Variants in ROCK1 observed in about 807,000 individuals in gnomAD.
ROCK1 encodes rho-associated protein kinase 1.
A neutral mutation model predicts 196.8 loss-of-function variants in ROCK1; 36 were observed. The ratio of observed to expected loss-of-function variants is 0.18; its 90% CI spans 0.14 to 0.24. The LOEUF is 0.24. ROCK1 is among the 10% of genes least tolerant of loss of function. The probability of loss-of-function intolerance (pLI) is 1.00; values close to 1 mark genes in which losing one functional copy is unlikely to be tolerated. For missense variants in ROCK1, 920 were observed against 1,562.0 expected (o/e 0.59, Z 6.93); for synonymous variants, 443 against 515.9 (o/e 0.86, Z 1.91).
chr18:21,033,052 C>G (rs2036023567), intron 9 of ROCK1, among the ~76,000 whole-genome samples: 1 of 151,910 alleles, frequency 6.6e-6, no homozygotes, highest in South Asian at 2.1e-4. Context: ...AGAAAATTAG[C>G]CAGGTGTGGT....
chr18:21,048,572 C>CAGGG (rs1218371009), intron 4 of ROCK1, among the ~76,000 whole-genome samples: 1 of 151,798 alleles, frequency 6.6e-6, no homozygotes, highest in Non-Finnish European at 1.5e-5. Context: ...ATTTTTGAGA[C>CAGGG]AGGGTCTCAC....
intron 5 of ROCK1, 73 bp downstream of exon 5, chr18:21,045,219 G>A: frequency 1.5e-6 from 2 of 1,327,344 alleles, no homozygotes; most frequent in Admixed American, 2.3e-5. Flanking sequence ...TGAACTGAGA[G>A]TAAGAAATGT....
chr18:20,964,384 CCTTAA>C (rs2035354023), intron 27 of ROCK1, among the ~76,000 whole-genome samples: 1 of 151,852 alleles, frequency 6.6e-6, no homozygotes, highest in African/African-American at 2.4e-5. Flanking sequence ...GAATGCAAAA[CCTTAA>C]CTTTATTTGC....
intron 26 of ROCK1, 44 bp downstream of exon 26, chr18:20,967,708 A>C: frequency 2.2e-6 from 3 of 1,367,720 alleles, no homozygotes; most frequent in Non-Finnish European, 3.0e-6. Context: ...AATTTAAGAA[A>C]ATAATCCTTC....
intron 16 of ROCK1, among the ~76,000 whole-genome samples, chr18:21,004,460 T>C (rs2035752312): frequency 6.6e-6 from 1 of 152,232 alleles, no homozygotes; most frequent in African/African-American, 2.4e-5. Flanking sequence ...TTAGTGTATG[T>C]GAGCTTTTAT....
chr18:21,046,265 A>G (rs1276231992), intron 4 of ROCK1, among the ~76,000 whole-genome samples: 1 of 152,170 alleles, frequency 6.6e-6, no homozygotes, highest in Non-Finnish European at 1.5e-5. Context: ...ACCCGAGTCT[A>G]TGAGACTATA....
intron 9 of ROCK1, among the ~76,000 whole-genome samples, chr18:21,030,635 A>C (rs1177966260): frequency 2.6e-5 from 4 of 152,210 alleles, no homozygotes; most frequent in Non-Finnish European, 5.9e-5. Context: ...AAGAGTTATA[A>C]AAATAATTAT....
chr18:21,033,759 C>G (rs1285761991), intron 9 of ROCK1, among the ~76,000 whole-genome samples: 2 of 147,796 alleles, frequency 1.4e-5, no homozygotes, highest in Admixed American at 1.4e-4. Context: ...TGGCTCACGC[C>G]TGTAATCCCA....
At chr18:20,960,803 T>C (rs2035319592) in intron 27 of ROCK1, 1 of 152,150 alleles carries the variant, frequency 6.6e-6, no homozygotes, top group South Asian at 2.1e-4. Flanking sequence ...TCAATTTGAA[T>C]TTGTAACTAT....
chr18:21,003,093 T>C (rs2035739750), intron 16 of ROCK1, among the ~76,000 whole-genome samples: 2 of 152,254 alleles, frequency 1.3e-5, no homozygotes, highest in South Asian at 4.1e-4. Flanking sequence ...ACAAGTATTC[T>C]TGACAAAGTC....
intron 2 of ROCK1, among the ~76,000 whole-genome samples, chr18:21,052,721 T>A (rs574536594): frequency 6.6e-6 from 1 of 152,040 alleles, no homozygotes; most frequent in Non-Finnish European, 1.5e-5. Context: ...AGGTTGCACA[T>A]TCCTTATGAG....
In ROCK1 at chr18:21,044,265, G is replaced by A. The variant is rs1052329053; in HGVS notation, c.591-79C>T. ...AAAATTATATGAGGCAGTTATTTTA[G>A]GTCAAGCATCCTCAATCTAGGTAAG... On this transcript the variant is annotated intron_variant, in intron 5 of 32. Transcript: ENST00000399799. 130 of 1,009,522 alleles carry A rather than the reference G, an allele frequency of 1.3e-4. 1 individual carries two copies. Among genetic ancestry groups the A allele is most frequent in the Non-Finnish European group, 1.7e-4 (114 of 662,938 alleles). 62.5% of individuals were successfully genotyped at this position (1,009,522 alleles called of 1,614,324 possible).
intron 27 of ROCK1, among the ~76,000 whole-genome samples, chr18:20,965,768 A>C (rs1160659573): frequency 2.0e-5 from 3 of 152,196 alleles, no homozygotes; most frequent in East Asian, 3.8e-4. Flanking sequence ...TAAACAGAGG[A>C]GTTCCTTGAC....
rs374103279 is a variant in ROCK1, at chr18:21,088,850, G to A, written c.94-18237C>T. 2.3e-4 allele frequency among the ~76,000 whole-genome samples: 35 copies of A among 152,194 alleles called. 1 individual carries two copies. In the South Asian group the frequency reaches 7.1e-3, roughly 31 times the overall value. ...CTTTCCAGGCACCTTCTTGGATTCA[G>A]AGACTAGACCCTCATCAGAGAACCA... On this transcript the variant is annotated intron_variant, in intron 1 of 32. Transcript: ENST00000399799.
At chr18:21,100,155 A>G (rs961160973) in intron 1 of ROCK1, among the ~76,000 whole-genome samples, 4 of 151,954 alleles carry the variant, frequency 2.6e-5, no homozygotes, top group African/African-American at 9.7e-5. Flanking sequence ...AAAAAGAAAA[A>G]AAAAAAAAAC....
At chr18:21,027,031 C>A (rs1188635895) in intron 10 of ROCK1, among the ~76,000 whole-genome samples, 1 of 151,754 alleles carries the variant, frequency 6.6e-6, no homozygotes, top group Non-Finnish European at 1.5e-5. Context: ...CTCCGCCCCC[C>A]AGGTTGAAGC....
intron 25 of ROCK1, 150 bp downstream of exon 25, chr18:20,968,622 C>T (rs2035396830): frequency 5.1e-6 from 3 of 587,358 alleles, no homozygotes; most frequent in Admixed American, 3.4e-5. Context: ...TTCTATTTCA[C>T]AAATAAGTTT....
At chr18:20,994,542 C>T (rs572885047) in intron 16 of ROCK1, among the ~76,000 whole-genome samples, 1 of 152,096 alleles carries the variant, frequency 6.6e-6, no homozygotes, top group Admixed American at 6.5e-5. Flanking sequence ...GTGGGAGGAT[C>T]GCCTGAGCCC....
intron 1 of ROCK1, among the ~76,000 whole-genome samples, chr18:21,102,298 C>T (rs2036665729): frequency 6.6e-6 from 1 of 152,170 alleles, no homozygotes; most frequent in Non-Finnish European, 1.5e-5. Context: ...CACTTAATTG[C>T]TTTACTACAA....
Sources: gnomAD v4.1 joint callset for allele counts (sites outside exome capture counted in the v4.1 genomes callset) on GRCh38, gnomAD v4.1.1 for gene constraint, MANE v1.5 for transcripts, NCBI Gene and HGNC (gene_info 2026-07-23, HGNC 2026-07-21) for gene names.